LRRTM4: variants seen among roughly 807,000 people sequenced by gnomAD.
The protein encoded by LRRTM4 is leucine rich repeat transmembrane neuronal 4.
In LRRTM4, 25 loss-of-function variants were observed where a neutral mutation model predicts 47.6. The observed-to-expected ratio is 0.53, with a 90% confidence interval of 0.38 to 0.73. LRRTM4 has a LOEUF of 0.73. LRRTM4 is among the 30% of genes least tolerant of loss of function. LRRTM4 has a pLI of 0.00. For synonymous variants in LRRTM4, 311 were observed against 269.5 expected (o/e 1.15, Z -1.51); for missense variants, 638 against 713.4 (o/e 0.89, Z 1.20).
chr2:76,775,029 T>C (rs1673901937), intron 3 of LRRTM4, among the ~76,000 whole-genome samples: 1 of 152,178 alleles, frequency 6.6e-6, no homozygotes, highest in African/African-American at 2.4e-5. Context: ...TGGTGTCTCT[T>C]AGCTCTCGAA....
chr2:77,164,382 T>C (rs1672820857), intron 3 of LRRTM4, among the ~76,000 whole-genome samples: 1 of 152,086 alleles, frequency 6.6e-6, no homozygotes, highest in South Asian at 2.1e-4. Context: ...CACCCTACTG[T>C]CAACATTAGA....
chr2:76,799,491 TATC>T (rs1383094261), intron 3 of LRRTM4, among the ~76,000 whole-genome samples: 2 of 143,666 alleles, frequency 1.4e-5, no homozygotes, highest in East Asian at 4.1e-4. Context: ...CCACAGCTAA[TATC>T]ATACTGAATG....
At chr2:76,788,105 T>C (rs538143492) in intron 3 of LRRTM4, among the ~76,000 whole-genome samples, 1 of 152,316 alleles carries the variant, frequency 6.6e-6, no homozygotes, top group African/African-American at 2.4e-5. Context: ...TGATTCTTAG[T>C]GCTCTGATAC....
chr2:77,097,449 T>C (rs899096538), intron 3 of LRRTM4, among the ~76,000 whole-genome samples: 6 of 152,016 alleles, frequency 3.9e-5, no homozygotes, highest in African/African-American at 1.4e-4. Flanking sequence ...GAAATTAAGC[T>C]TGTGCCAATC....
At chr2:77,423,147 C>A (rs948780423) in intron 3 of LRRTM4, among the ~76,000 whole-genome samples, 1 of 151,986 alleles carries the variant, frequency 6.6e-6, no homozygotes, top group Admixed American at 6.6e-5. Context: ...GATAATGGCC[C>A]ATAAAATAAG....
intron 3 of LRRTM4, among the ~76,000 whole-genome samples, chr2:77,216,452 G>A (rs2103935134): frequency 6.6e-6 from 1 of 152,002 alleles, no homozygotes; most frequent in South Asian, 2.1e-4. Context: ...GGATCACGAG[G>A]TCAAGAGATC....
At chr2:77,421,203 T>C (rs1418564994) in intron 3 of LRRTM4, among the ~76,000 whole-genome samples, 13 of 152,170 alleles carry the variant, frequency 8.5e-5, no homozygotes, top group Admixed American at 8.5e-4. Context: ...TTATTACGTC[T>C]CCTCTAAGGA....
chr2:76,862,219 C>T (rs544236544), intron 3 of LRRTM4, among the ~76,000 whole-genome samples: 2 of 152,150 alleles, frequency 1.3e-5, no homozygotes, highest in South Asian at 4.1e-4. Context: ...CATTTGATTT[C>T]TGTGCTTTCA....
At chr2:77,341,110 T>C (rs1671357857) in intron 3 of LRRTM4, among the ~76,000 whole-genome samples, 1 of 151,938 alleles carries the variant, frequency 6.6e-6, no homozygotes, top group Admixed American at 6.6e-5. Flanking sequence ...AACTCCTTTA[T>C]TAATACTTAA....
At chr2:77,330,427 C>T (rs1339859355) in intron 3 of LRRTM4, among the ~76,000 whole-genome samples, 2 of 152,006 alleles carry the variant, frequency 1.3e-5, no homozygotes, top group Non-Finnish European at 2.9e-5. Context: ...TAAAATATTA[C>T]TAATTGTTTG....
At position 77,232,816 on chromosome 2, in the gene LRRTM4, A is replaced by G. The variant is rs556501832; in HGVS notation, c.1551+285502T>C. 1.1e-3 allele frequency among the ~76,000 whole-genome samples: 167 copies of G among 152,352 alleles called. 1 individual carries two copies. The highest frequency in any genetic ancestry group is 3.8e-3 in the African/African-American group (158 of 41,592). On this transcript the variant is annotated intron_variant, in intron 3 of 3. Transcript: ENST00000409884. ...ATGTCCTTGATATAAATGGTTCTAC[A>G]TGGAAGTAACTTGCATCTTAAGATC...
At position 76,957,175 on chromosome 2, in the gene LRRTM4, T is replaced by A. The variant is rs186140777; in HGVS notation, c.1552-208259A>T. On this transcript the variant is annotated intron_variant, in intron 3 of 3. Transcript: ENST00000409884. ...ATACCAGTGATAGAAGGACAAAAAA[T>A]GCATGATTTTCCTTATGGGAGGTGT... is the stretch of plus-strand genomic sequence containing the variant. Among the ~76,000 whole-genome samples the A allele has an allele frequency of 5.3e-4, 80 of 151,806 alleles. 1 individual carries two copies. Among genetic ancestry groups the A allele is most frequent in the Middle Eastern group, 3.4e-3 (1 of 294 alleles).
At chr2:77,318,737 A>G (rs1361080162) in intron 3 of LRRTM4, among the ~76,000 whole-genome samples, 1 of 152,212 alleles carries the variant, frequency 6.6e-6, no homozygotes, top group Non-Finnish European at 1.5e-5. Flanking sequence ...TTAAAGGAGA[A>G]TAACACTCAT....
chr2:77,004,278 C>T (rs549874125), intron 3 of LRRTM4, among the ~76,000 whole-genome samples: 4 of 152,280 alleles, frequency 2.6e-5, no homozygotes, highest in Non-Finnish European at 4.4e-5. Context: ...AAAATGGTTT[C>T]CTGGGCTGGG....
At chr2:76,767,036 C>A (rs1461069218) in intron 3 of LRRTM4, among the ~76,000 whole-genome samples, 3 of 150,666 alleles carry the variant, frequency 2.0e-5, no homozygotes, top group African/African-American at 7.5e-5. Context: ...TCTCTTCAGG[C>A]CTAGTGGAGT....
chr2:77,508,924 T>C (rs1010509815), intron 3 of LRRTM4, among the ~76,000 whole-genome samples: 1 of 151,938 alleles, frequency 6.6e-6, no homozygotes, highest in African/African-American at 2.4e-5. Context: ...CATAAACACC[T>C]GGGGAATGAA....
At chr2:76,974,157 T>TAC (rs60538850) in intron 3 of LRRTM4, among the ~76,000 whole-genome samples, 14,332 of 82,080 alleles carry the variant, frequency 0.17, 1,106 homozygotes, top group East Asian at 0.45. Context: ...TATACATACA[T>TAC]ATATATATAT....
chr2:77,175,789 A>T (rs1673179266), intron 3 of LRRTM4, among the ~76,000 whole-genome samples: 1 of 149,708 alleles, frequency 6.7e-6, no homozygotes, highest in South Asian at 2.1e-4. Flanking sequence ...CCCACACCCG[A>T]TGTTGGTTCT....
chr2:76,974,211 C>CATATATATAT (rs1440382318), intron 3 of LRRTM4, among the ~76,000 whole-genome samples: 2,571 of 118,102 alleles, frequency 0.022, 95 homozygotes, highest in East Asian at 0.16. Flanking sequence ...TATATATATA[C>CATATATATAT]ACATATATAT....
Sources: gnomAD v4.1 joint callset for allele counts (sites outside exome capture counted in the v4.1 genomes callset) on GRCh38, gnomAD v4.1.1 for gene constraint, MANE v1.5 for transcripts, NCBI Gene and HGNC (gene_info 2026-07-23, HGNC 2026-07-21) for gene names.